Variants in TCF4 observed in about 807,000 individuals in gnomAD.
TCF4 encodes SL3-3 enhancer factor 2.
TCF4 carries 3 observed loss-of-function variants against 82.1 expected under a neutral mutation model. That is an observed-to-expected ratio of 0.04 (90% CI 0.02 to 0.09). TCF4 has a LOEUF of 0.09. Among genes scored for constraint, TCF4 ranks in the 10% least tolerant of loss-of-function variants. TCF4 has a pLI of 1.00. For synonymous variants in TCF4, 276 were observed against 309.6 expected (o/e 0.89, Z 1.14); for missense variants, 518 against 852.7 (o/e 0.61, Z 4.89).
intron 8 of TCF4, among the ~76,000 whole-genome samples, chr18:55,290,970 A>AT (rs1353522654): frequency 6.6e-6 from 1 of 152,210 alleles, no homozygotes; most frequent in Middle Eastern, 3.2e-3. Context: ...ATCATTAGTC[A>AT]TTATTAAAAG....
chr18:55,411,847 T>C (rs1181071255), intron 5 of TCF4, among the ~76,000 whole-genome samples: 1 of 152,112 alleles, frequency 6.6e-6, no homozygotes, highest in Non-Finnish European at 1.5e-5. Flanking sequence ...TTCAAGCAAT[T>C]CTCCTGCCTC....
chr18:55,352,436 A>G (rs1339668801), intron 6 of TCF4, among the ~76,000 whole-genome samples: 1 of 152,148 alleles, frequency 6.6e-6, no homozygotes, highest in Non-Finnish European at 1.5e-5. Context: ...GCTACTGACA[A>G]GCTCGCCTTT....
chr18:55,299,472 G>GT (rs1555842384), intron 8 of TCF4, among the ~76,000 whole-genome samples: 1 of 146,290 alleles, frequency 6.8e-6, no homozygotes, highest in African/African-American at 2.5e-5. Context: ...TTTTTTTTGG[G>GT]TCTGGTTTGC....
chr18:55,470,796 T>C (rs1248245892), intron 3 of TCF4, among the ~76,000 whole-genome samples: 4 of 152,196 alleles, frequency 2.6e-5, no homozygotes, highest in Admixed American at 2.6e-4. Context: ...GGAAATATAT[T>C]GATTTCTTAA....
intron 5 of TCF4, among the ~76,000 whole-genome samples, chr18:55,458,703 C>T (rs975598722): frequency 4.6e-5 from 7 of 152,070 alleles, no homozygotes; most frequent in African/African-American, 1.2e-4. Flanking sequence ...AAGAAGGCAT[C>T]GGGTGTGTGA....
At chr18:55,598,250 T>C (rs2097693223) in intron 2 of TCF4, among the ~76,000 whole-genome samples, 2 of 152,208 alleles carry the variant, frequency 1.3e-5, no homozygotes, top group Non-Finnish European at 2.9e-5. Context: ...AAGAATGTCC[T>C]GGGCTGAAGC....
At chr18:55,332,427 A>G (rs1191994341) in intron 8 of TCF4, 1 of 152,218 alleles carries the variant, frequency 6.6e-6, no homozygotes, top group Admixed American at 6.5e-5. Context: ...GGCTGATTCC[A>G]TCTGTATATC....
chr18:55,506,659 G>T (rs1304350822), intron 3 of TCF4, among the ~76,000 whole-genome samples: 1 of 152,100 alleles, frequency 6.6e-6, no homozygotes, highest in Non-Finnish European at 1.5e-5. Context: ...CTCTAAGAGA[G>T]GGATAGGTTT....
intron 5 of TCF4, among the ~76,000 whole-genome samples, chr18:55,420,915 A>G (rs931263610): frequency 5.3e-5 from 8 of 149,964 alleles, no homozygotes; most frequent in African/African-American, 2.0e-4. Flanking sequence ...AAAAAAAAAA[A>G]GAAACATTAT....
chr18:55,405,805 T>G (rs2094057462), intron 5 of TCF4, among the ~76,000 whole-genome samples: 1 of 152,178 alleles, frequency 6.6e-6, no homozygotes, highest in Admixed American at 6.5e-5. Flanking sequence ...GAATTCACGC[T>G]GCAGAGTCCC....
At chr18:55,551,328 C>T (rs2097258710) in intron 3 of TCF4, 1 of 152,272 alleles carries the variant, frequency 6.6e-6, no homozygotes, top group South Asian at 2.1e-4. Flanking sequence ...ACAGCTAATA[C>T]TTCTGGTGCT....
intron 6 of TCF4, among the ~76,000 whole-genome samples, chr18:55,393,906 A>G (rs974696480): frequency 6.6e-6 from 1 of 152,224 alleles, no homozygotes; most frequent in Non-Finnish European, 1.5e-5. Flanking sequence ...GGAGTTATTT[A>G]ATTTTTTTAC....
At chr18:55,253,791 AC>A (rs2055988603) in intron 15 of TCF4, among the ~76,000 whole-genome samples, 1 of 152,126 alleles carries the variant, frequency 6.6e-6, no homozygotes, top group African/African-American at 2.4e-5. Context: ...TAAAAAAAAA[AC>A]ACTAATATTT....
chr18:55,480,226 C>T (rs1357807399), intron 3 of TCF4, among the ~76,000 whole-genome samples: 1 of 117,608 alleles, frequency 8.5e-6, no homozygotes, highest in African/African-American at 3.4e-5. Context: ...GTGATGATTA[C>T]AGATAACAAG....
intron 3 of TCF4, among the ~76,000 whole-genome samples, chr18:55,516,156 T>C (rs1426009463): frequency 6.6e-6 from 1 of 152,132 alleles, no homozygotes; most frequent in East Asian, 1.9e-4. Flanking sequence ...ATGGAAAAGA[T>C]GACTGGACGT....
At chr18:55,515,423 T>A (rs2096871885) in intron 3 of TCF4, among the ~76,000 whole-genome samples, 1 of 152,230 alleles carries the variant, frequency 6.6e-6, no homozygotes, top group South Asian at 2.1e-4. Flanking sequence ...AAAACTACAG[T>A]TCCGTCAGGA....
intron 2 of TCF4, among the ~76,000 whole-genome samples, chr18:55,595,923 G>A (rs2097690410): frequency 6.6e-6 from 1 of 152,096 alleles, no homozygotes; most frequent in Admixed American, 6.5e-5. Context: ...CCTTGCATGT[G>A]CTGAAAGTTT....
chr18:55,314,160 A>C (rs1421137038), intron 8 of TCF4, among the ~76,000 whole-genome samples: 1 of 152,134 alleles, frequency 6.6e-6, no homozygotes, highest in African/African-American at 2.4e-5. Context: ...ACACACAAAA[A>C]GGCACTACAA....
chr18:55,443,668 C>G (rs1241085918), intron 5 of TCF4, among the ~76,000 whole-genome samples: 4 of 152,264 alleles, frequency 2.6e-5, no homozygotes, highest in East Asian at 3.9e-4. Flanking sequence ...TCACACAACT[C>G]AAAATCAAGA....
Sources: gnomAD v4.1 joint callset for allele counts (sites outside exome capture counted in the v4.1 genomes callset) on GRCh38, gnomAD v4.1.1 for gene constraint, MANE v1.5 for transcripts, NCBI Gene and HGNC (gene_info 2026-07-23, HGNC 2026-07-21) for gene names.